The following SMPD4 variants were observed in gnomAD, a reference collection of about 807,000 sequenced individuals.
The protein encoded by SMPD4 is neutral sphingomyelinase 3.
In SMPD4, 58 loss-of-function variants were observed where a neutral mutation model predicts 97.8. That is an observed-to-expected ratio of 0.59 (90% confidence interval 0.48 to 0.74). The LOEUF is 0.74. Ranked by LOEUF, SMPD4 falls within the 30% of genes least tolerant of loss-of-function variation. SMPD4 has a pLI of 0.00. For missense variants in SMPD4, 853 were observed against 1,080.5 expected (o/e 0.79, Z 2.95); for synonymous variants, 388 against 450.0 (o/e 0.86, Z 1.74).
At chr2:130,178,408 G>A (rs1573737715) in intron 1 of SMPD4, among the ~76,000 whole-genome samples, 1 of 152,108 alleles carries the variant, frequency 6.6e-6, no homozygotes, top group East Asian at 1.9e-4. Flanking sequence ...CTGAGACAGG[G>A]GCAAATCCCC....
In SMPD4 at chr2:130,153,371, T is replaced by C; in HGVS notation, c.1973A>G (p.Asp658Gly). ...GAGTCCGTCCTCACCCACGATGCAG[T>C]CGGGGAGTTGCTTTTTTCCATTCTC... is the stretch of plus-strand genomic sequence containing the variant. ...QDENGKKQLPDCIVGEDGLIL... is the reference protein window; with the variant it reads ...QDENGKKQLPGCIVGEDGLIL... Residue 658 changes from aspartate to glycine, a missense_variant, in exon 18 of 20, where the codon GAC (aspartate) becomes GGC (glycine). Asp to Gly is a moderately conservative substitution (Grantham distance 94). This residue lies in a region of SMPD4 where 511 missense variants were observed against 608.1 expected (regional missense o/e 0.84). Transcript: ENST00000680298. 6.2e-7 allele frequency: 1 copy of C among 1,613,814 alleles called. No individual in the cohort carries two copies. The highest frequency in any genetic ancestry group is 2.2e-5 in the East Asian group (1 of 44,870).
intron 1 of SMPD4, among the ~76,000 whole-genome samples, chr2:130,177,819 T>C (rs565427633): frequency 1.4e-4 from 21 of 152,340 alleles, no homozygotes; most frequent in South Asian, 1.2e-3. Flanking sequence ...ATACCAGGAC[T>C]CGCTCTAAAT....
chr2:130,171,960 G>A (rs143911742), intron 8 of SMPD4, among the ~76,000 whole-genome samples: 2 of 152,176 alleles, frequency 1.3e-5, no homozygotes, highest in Non-Finnish European at 2.9e-5. Context: ...TTTGGCCCAG[G>A]GCCTCCCCTT....
rs894415370 is a variant in SMPD4, at chr2:130,167,496, C to T, written c.754G>A (p.Ala252Thr). 6.2e-6 allele frequency: 10 copies of T among 1,613,616 alleles called. No individual in the cohort carries two copies. The highest frequency in any genetic ancestry group is 2.7e-5 in the African/African-American group (2 of 74,896). Residue 252 changes from alanine (A) to threonine (T), a missense_variant, in exon 9 of 20, where the codon GCC (alanine) becomes ACC (threonine). Ala to Thr is a moderately conservative substitution (Grantham distance 58). Coordinates refer to ENST00000680298, the MANE Select transcript of SMPD4 (RefSeq NM_017951.5). Reference protein sequence around the residue: ...SHQTSVNADPASHEIWRSETL... With the variant: ...SHQTSVNADPTSHEIWRSETL... ...TCTGACCTCCAGATCTCGTGGGAGG[C>T]GGGGTCTGCATTCACAGACGTCTGA...
chr2:130,165,913 T>C (rs1468530300), intron 9 of SMPD4, among the ~76,000 whole-genome samples: 2 of 152,164 alleles, frequency 1.3e-5, no homozygotes, highest in African/African-American at 2.4e-5. Flanking sequence ...ATTCTGGAGA[T>C]TGCATGCACA....
At chr2:130,163,107 A>C (rs1687584742) in intron 10 of SMPD4, among the ~76,000 whole-genome samples, 1 of 152,246 alleles carries the variant, frequency 6.6e-6, no homozygotes, top group Non-Finnish European at 1.5e-5. Context: ...CAACAGGAAC[A>C]CAATGCGGTG....
chr2:130,165,989 G>A (rs189914932), intron 9 of SMPD4, among the ~76,000 whole-genome samples: 1 of 152,108 alleles, frequency 6.6e-6, no homozygotes, highest in East Asian at 1.9e-4. Context: ...TAAGTTTCAT[G>A]TTATATATAT....
chr2:130,162,711 C>T (rs538639804), intron 10 of SMPD4, among the ~76,000 whole-genome samples: 12 of 152,198 alleles, frequency 7.9e-5, no homozygotes, highest in Non-Finnish European at 1.5e-4. Flanking sequence ...CATGGCAGTA[C>T]GTGTAGCACA....
At chr2:130,158,667 C>T (rs1687081813) in intron 11 of SMPD4, among the ~76,000 whole-genome samples, 1 of 152,140 alleles carries the variant, frequency 6.6e-6, no homozygotes, top group African/African-American at 2.4e-5. Context: ...TGGGCTTCCT[C>T]TGGTTGTTTA....
At chr2:130,153,556 G>A (rs1686446801) in intron 17 of SMPD4, 106 bp from the exon 18 acceptor site, 13 of 1,579,526 alleles carry the variant, frequency 8.2e-6, no homozygotes, top group Middle Eastern at 2.0e-4. Context: ...CAGCTATGAC[G>A]CTCGGGGTGT....
At position 130,174,730 on chromosome 2, in the gene SMPD4, A is replaced by G. The variant is rs138863294; in HGVS notation, c.126+184T>C. ...GAGGAACAGAGCATCTGTGGCTGAG[A>G]ACCCCTGATCTACAAGTTCACATGT... is the stretch of plus-strand genomic sequence containing the variant. On this transcript the variant is annotated intron_variant, in intron 3 of 19. Coordinates refer to ENST00000680298, the MANE Select transcript of SMPD4 (RefSeq NM_017951.5). Among the ~76,000 whole-genome samples, 900 of 152,340 alleles carry G rather than the reference A, an allele frequency of 5.9e-3. 6 individuals are homozygous for G. The highest frequency in any genetic ancestry group is 0.013 in the Admixed American group (202 of 15,290).
chr2:130,164,882 G>A (rs1687773266), intron 9 of SMPD4, among the ~76,000 whole-genome samples: 1 of 151,758 alleles, frequency 6.6e-6, no homozygotes, highest in African/African-American at 2.4e-5. Flanking sequence ...GAGGTGGGTG[G>A]GATTACCTGA....
Position 130,173,587 on chromosome 2 carries a change from A to G in SMPD4, c.196T>C (p.Trp66Arg). The change falls in exon 4 of 20, where the codon TGG becomes CGG. Residue 66 changes from tryptophan (W) to arginine (R), a missense_variant. Trp to Arg is a moderately radical substitution (Grantham distance 101, BLOSUM62 -3). Around this residue, in one of 3 missense-constraint regions of SMPD4, gnomAD observed 313 missense variants for 402.2 expected, o/e 0.78. Coordinates refer to ENST00000680298, the MANE Select transcript of SMPD4 (RefSeq NM_017951.5). ...FGSLDGVLVGWNLRCLQGRVN... is the reference protein window; with the variant it reads ...FGSLDGVLVGRNLRCLQGRVN... Reference sequence around the variant, plus strand: ...CGCCCCTGTAAGCAGCGGAGGTTCCAGCCAACGAGGACACCATCTAGGCTG... The same window carrying G: ...CGCCCCTGTAAGCAGCGGAGGTTCCGGCCAACGAGGACACCATCTAGGCTG... 1 of 1,613,910 alleles carries G rather than the reference A, an allele frequency of 6.2e-7. No homozygotes were observed. The highest frequency in any genetic ancestry group is 8.5e-7 in the Non-Finnish European group (1 of 1,179,858).
At chr2:130,175,793 A>G (rs557979733) in intron 2 of SMPD4, among the ~76,000 whole-genome samples, 6 of 152,172 alleles carry the variant, frequency 3.9e-5, no homozygotes, top group Admixed American at 2.0e-4. Flanking sequence ...ACCTCCAAAC[A>G]AGGGTGGATT....
In SMPD4 at chr2:130,181,572, C is replaced by T. The variant is rs1477223261; in HGVS notation, c.-88G>A. ...TCGCTCGCCTCAGAGATGGAAGCCG[C>T]CATTCCGCCACGGCGCCGAAAGTCG... On this transcript the variant is annotated 5_prime_UTR_variant, in exon 1 of 20. An upstream open reading frame in the 5' UTR gains an earlier in-frame stop. Coordinates refer to ENST00000680298, the MANE Select transcript of SMPD4 (RefSeq NM_017951.5). 6.2e-7 allele frequency: 1 copy of T among 1,607,024 alleles called. No homozygotes were observed. The highest frequency in any genetic ancestry group is 8.5e-7 in the Non-Finnish European group (1 of 1,177,576).
rs984866861 is a variant in SMPD4, at chr2:130,157,964, CCT to C, written c.952-570_952-569del. On this transcript the variant is annotated intron_variant, in intron 11 of 19. Coordinates refer to ENST00000680298, the MANE Select transcript of SMPD4 (RefSeq NM_017951.5). The stretch of plus-strand genomic sequence containing the variant: ...ATTAGCCTAGACAACATAGGGACAC[CCT>C]GTCTCTACAAAAAATTTTTAAAAGT... The C allele has an allele frequency of 1.0e-4, 22 of 218,852 alleles. 1 individual carries two copies. Among genetic ancestry groups the C allele is most frequent in the South Asian group, 4.2e-4 (7 of 16,684 alleles). The allele number at this position is 218,852 out of a possible 1,614,324, so 13.6% of individuals were successfully genotyped here.
intron 1 of SMPD4, among the ~76,000 whole-genome samples, chr2:130,178,762 T>A (rs1476983170): frequency 4.7e-5 from 7 of 149,010 alleles, no homozygotes; most frequent in African/African-American, 1.7e-4. Context: ...ACCATTGCAC[T>A]CTAGCCGGGG....
chr2:130,156,314 G>C, intron 13 of SMPD4, 179 bp from the exon 14 acceptor site: 1 of 687,000 alleles, frequency 1.5e-6, no homozygotes, highest in East Asian at 2.7e-5. Context: ...CAGAAGCCAG[G>C]GTGGGCTTTT....
rs4511676 is a variant in SMPD4, at chr2:130,153,274, G to A, written c.2025+45C>T. On this transcript the variant is annotated intron_variant, in intron 18 of 19. Transcript: ENST00000680298. ...CACAAGGGAGGAGGGAGCTGGGGACGGGTCAGGGCCCAGCCTGTGCGCCTC... is the reference window on the plus strand; with the variant it reads ...CACAAGGGAGGAGGGAGCTGGGGACAGGTCAGGGCCCAGCCTGTGCGCCTC... 597,364 of 1,612,322 alleles carry A rather than the reference G, an allele frequency of 0.37. 111,438 individuals are homozygous for A. The highest frequency in any genetic ancestry group is 0.44 in the Admixed American group (26,304 of 59,776).
Sources: allele counts gnomAD v4.1 joint callset (sites outside exome capture counted in the v4.1 genomes callset), GRCh38; gene constraint gnomAD v4.1.1; regional missense constraint gnomAD v4.1.1; transcripts MANE v1.5; gene names NCBI Gene and HGNC (gene_info 2026-07-23, HGNC 2026-07-21).